The following FAM210A variants were observed in gnomAD, a reference collection of about 807,000 sequenced individuals.
FAM210A encodes the protein family with sequence similarity 210 member A.
In FAM210A, 13 loss-of-function variants were observed where a neutral mutation model predicts 25.3. That is an observed-to-expected ratio of 0.51 (90% CI 0.33 to 0.82). FAM210A has a LOEUF of 0.82. FAM210A is among the 40% of genes least tolerant of loss of function. The pLI is 0.02. For synonymous variants in FAM210A, 125 were observed against 118.7 expected, an observed-to-expected ratio of 1.05 and a Z score of -0.35; for missense variants, 319 against 323.2, an observed-to-expected ratio of 0.99 and a Z score of 0.10.
At chr18:13,672,115 C>T (rs144724362) in intron 2 of FAM210A, 142 bp from the exon 3 acceptor site, 9 of 571,542 alleles carry the variant, frequency 1.6e-5, no homozygotes, top group East Asian at 6.1e-5. Context: ...ACTTTACCTT[C>T]ACTCTAAGAG....
At position 13,666,488 on chromosome 18, in the gene FAM210A, CT is replaced by C; in HGVS notation, c.810del (p.Val271TrpfsTer10). On this transcript the variant is annotated frameshift_variant, in exon 4 of 4. Transcript: ENST00000651643. LOFTEE classifies it high-confidence loss of function. Reference protein sequence around the residue: ...ETKEKVSFKKKVE With the variant: ...ETKEKVSFKKXVE ...CTGCTATATAAGGCACCTTATTCCA[CT>C]TTTTTCTTAAAGGAAACTTTTTCTT... 6.2e-7 allele frequency: 1 copy of C among 1,613,244 alleles called. No homozygotes were observed. The highest frequency in any genetic ancestry group is 8.5e-7 in the Non-Finnish European group (1 of 1,179,532).
chr18:13,695,352 T>A (rs1420976266), intron 1 of FAM210A, among the ~76,000 whole-genome samples: 1 of 152,188 alleles, frequency 6.6e-6, no homozygotes, highest in Non-Finnish European at 1.5e-5. Context: ...GACCCAGCCA[T>A]CCCATTACTG....
At chr18:13,674,065 T>C (rs2043469743) in intron 2 of FAM210A, among the ~76,000 whole-genome samples, 2 of 151,242 alleles carry the variant, frequency 1.3e-5, no homozygotes, top group African/African-American at 4.9e-5. Flanking sequence ...TCCAGTTTCC[T>C]GATTATTATA....
At chr18:13,674,896 T>C (rs1171586227) in intron 2 of FAM210A, among the ~76,000 whole-genome samples, 1 of 150,406 alleles carries the variant, frequency 6.6e-6, no homozygotes, top group Admixed American at 6.6e-5. Flanking sequence ...GAGCCCCGAC[T>C]TCTTTATTTC....
chr18:13,694,571 C>A (rs1601955721), intron 1 of FAM210A, among the ~76,000 whole-genome samples: 1 of 152,314 alleles, frequency 6.6e-6, no homozygotes. Context: ...CACATATCTA[C>A]AACCACCTGA....
chr18:13,699,303 T>C (rs1207019148), intron 1 of FAM210A, among the ~76,000 whole-genome samples: 4 of 152,206 alleles, frequency 2.6e-5, no homozygotes, highest in African/African-American at 9.7e-5. Flanking sequence ...TTTGGGGGCT[T>C]TCTAATACCA....
intron 1 of FAM210A, among the ~76,000 whole-genome samples, chr18:13,721,298 A>C (rs998206941): frequency 9.9e-5 from 15 of 152,194 alleles, no homozygotes; most frequent in African/African-American, 3.4e-4. Flanking sequence ...CAGATCAATA[A>C]CTGCATGCCA....
intron 1 of FAM210A, among the ~76,000 whole-genome samples, chr18:13,718,684 CATAAATTTAT>C (rs1350307729): frequency 6.6e-6 from 1 of 152,062 alleles, no homozygotes; most frequent in South Asian, 2.1e-4. Flanking sequence ...TCAGTTTTAA[CATAAATTTAT>C]TGTTACTAGT....
intron 3 of FAM210A, among the ~76,000 whole-genome samples, chr18:13,669,902 G>A (rs2043428486): frequency 6.6e-6 from 1 of 152,184 alleles, no homozygotes; most frequent in African/African-American, 2.4e-5. Context: ...TCTTGTTGAA[G>A]CAATAAATCT....
intron 1 of FAM210A, among the ~76,000 whole-genome samples, chr18:13,691,445 A>G (rs1002515652): frequency 2.6e-5 from 4 of 152,162 alleles, no homozygotes; most frequent in Non-Finnish European, 5.9e-5. Context: ...ACTCTGAGAC[A>G]CATAATTGTC....
At chr18:13,685,036 T>C (rs903000697) in intron 1 of FAM210A, among the ~76,000 whole-genome samples, 6 of 152,190 alleles carry the variant, frequency 3.9e-5, no homozygotes, top group Non-Finnish European at 7.4e-5. Flanking sequence ...ACAAAATCTG[T>C]GGGATGCAGC....
intron 3 of FAM210A, among the ~76,000 whole-genome samples, chr18:13,669,373 A>AT (rs2043425233): frequency 6.6e-6 from 1 of 152,144 alleles, no homozygotes; most frequent in Admixed American, 6.5e-5. Context: ...GGCTGTCCTG[A>AT]TCTGATGACA....
intron 3 of FAM210A, among the ~76,000 whole-genome samples, chr18:13,668,127 T>C (rs2043415718): frequency 6.6e-6 from 1 of 152,214 alleles, no homozygotes; most frequent in African/African-American, 2.4e-5. Flanking sequence ...GTCTGCTCTA[T>C]CTCTAATTTC....
chr18:13,678,267 A>G (rs958457807), intron 2 of FAM210A, among the ~76,000 whole-genome samples: 1 of 152,164 alleles, frequency 6.6e-6, no homozygotes, highest in African/African-American at 2.4e-5. Flanking sequence ...TAAAGAAGCA[A>G]GCATCTAGTT....
chr18:13,672,028 A>G lies in FAM210A; in HGVS notation c.474-55T>C. ...GTACAAACTTTTAATGATATTTTCA[A>G]AAATTATCTGAAAATACCAAAACCA... On this transcript the variant is annotated intron_variant, in intron 2 of 3. Coordinates refer to ENST00000651643, the MANE Select transcript of FAM210A (RefSeq NM_152352.4). 6 of 1,282,202 alleles carry G rather than the reference A, an allele frequency of 4.7e-6. No individual in the cohort carries two copies. In the South Asian group the frequency reaches 5.2e-5, roughly 11 times the overall value. The allele number at this position is 1,282,202 out of a possible 1,614,324, so 79.4% of individuals were successfully genotyped here. A position where few individuals can be genotyped will look rare whatever the true frequency, so the allele number is the denominator to read the frequency against.
In FAM210A at chr18:13,666,130, G is replaced by A. The variant is rs1428845543; in HGVS notation, c.*350C>T. On this transcript the variant is annotated 3_prime_UTR_variant, in exon 4 of 4. Coordinates refer to ENST00000651643, the MANE Select transcript of FAM210A (RefSeq NM_152352.4). ...AACAGACTATTTTATGGGTCACACT[G>A]GATATTCAAGGAGTCAGCTGCCTAG... 1 of 224,086 alleles carries A rather than the reference G, an allele frequency of 4.5e-6. No individual in the cohort carries two copies. The allele number at this position is 224,086 out of a possible 1,614,324, so 13.9% of individuals were successfully genotyped here.
In FAM210A at chr18:13,665,452, C is replaced by G. The variant is rs1227416477; in HGVS notation, c.*1028G>C. On this transcript the variant is annotated 3_prime_UTR_variant, in exon 4 of 4. Coordinates refer to ENST00000651643, the MANE Select transcript of FAM210A (RefSeq NM_152352.4). ...AAGGATATTTCCCTTCAATGTAAGA[C>G]AAAAAGCAGCAGCCACAATTTAAAA... is the stretch of plus-strand genomic sequence containing the variant. 1 of 134,154 alleles carries G rather than the reference C, an allele frequency of 7.5e-6. No homozygotes were observed. The highest frequency in any genetic ancestry group is 2.7e-5 in the African/African-American group (1 of 36,412). The allele number at this position is 134,154 out of a possible 1,614,324, so 8.3% of individuals were successfully genotyped here. A position where few individuals can be genotyped will look rare whatever the true frequency, so the allele number is the denominator to read the frequency against.
At chr18:13,695,788 C>T (rs902021864) in intron 1 of FAM210A, among the ~76,000 whole-genome samples, 1 of 151,886 alleles carries the variant, frequency 6.6e-6, no homozygotes, top group East Asian at 1.9e-4. Flanking sequence ...GTGCAGCACA[C>T]CAACATGGCA....
chr18:13,722,710 G>C (rs1292467025), intron 1 of FAM210A, among the ~76,000 whole-genome samples: 1 of 152,186 alleles, frequency 6.6e-6, no homozygotes, highest in Non-Finnish European at 1.5e-5. Flanking sequence ...TAAGACTCTG[G>C]ATTTGGTTTT....
Sources: gnomAD v4.1 joint callset for allele counts (sites outside exome capture counted in the v4.1 genomes callset) on GRCh38, gnomAD v4.1.1 for gene constraint, MANE v1.5 for transcripts, NCBI Gene and HGNC (gene_info 2026-07-23, HGNC 2026-07-21) for gene names.